ROBO1: variants seen among roughly 807,000 people sequenced by gnomAD.
ROBO1 encodes roundabout guidance receptor 1.
A neutral mutation model predicts 195.9 loss-of-function variants in ROBO1; 149 were observed. The ratio of observed to expected loss-of-function variants is 0.76; its 90% CI spans 0.67 to 0.87. ROBO1 has a LOEUF of 0.87. Among genes scored for constraint, ROBO1 ranks in the 40% least tolerant of loss-of-function variants. The probability of loss-of-function intolerance (pLI) is 0.00; values close to 1 mark genes in which losing one functional copy is unlikely to be tolerated. For missense variants in ROBO1, 1,933 were observed against 2,068.3 expected, an observed-to-expected ratio of 0.93 and a Z score of 1.27; for synonymous variants, 816 against 733.2, an observed-to-expected ratio of 1.11 and a Z score of -1.82.
intron 3 of ROBO1, among the ~76,000 whole-genome samples, chr3:79,082,375 G>C (rs936620653): frequency 1.3e-5 from 2 of 152,100 alleles, no homozygotes; most frequent in African/African-American, 4.8e-5. Context: ...ATATATGTGT[G>C]TGTGCAAAGT....
intron 2 of ROBO1, among the ~76,000 whole-genome samples, chr3:79,504,664 T>C (rs1409477444): frequency 2.0e-5 from 3 of 152,226 alleles, no homozygotes; most frequent in Non-Finnish European, 4.4e-5. Flanking sequence ...CTAATACTTA[T>C]CTCTTAATTA....
chr3:78,974,840 T>G (rs2076850798), intron 3 of ROBO1, among the ~76,000 whole-genome samples: 1 of 152,178 alleles, frequency 6.6e-6, no homozygotes, highest in Non-Finnish European at 1.5e-5. Context: ...AAGCAAATAT[T>G]GTACCCCAAA....
intron 2 of ROBO1, among the ~76,000 whole-genome samples, chr3:79,474,233 C>T (rs922832697): frequency 2.0e-5 from 3 of 152,052 alleles, no homozygotes; most frequent in African/African-American, 4.8e-5. Flanking sequence ...GTTAGTGAGT[C>T]GCTCATGTGC....
chr3:79,412,477 C>T (rs1452339236), intron 2 of ROBO1, among the ~76,000 whole-genome samples: 1 of 152,082 alleles, frequency 6.6e-6, no homozygotes, highest in Non-Finnish European at 1.5e-5. Context: ...TTAATTTTGG[C>T]ACTGCAAACA....
At chr3:78,874,015 G>T (rs1275191583) in intron 4 of ROBO1, among the ~76,000 whole-genome samples, 1 of 151,502 alleles carries the variant, frequency 6.6e-6, no homozygotes, top group Non-Finnish European at 1.5e-5. Flanking sequence ...TTTAAAGAGA[G>T]GATTTTTTTT....
intron 2 of ROBO1, among the ~76,000 whole-genome samples, chr3:79,168,108 G>A (rs969184344): frequency 7.2e-5 from 11 of 152,280 alleles, no homozygotes; most frequent in East Asian, 5.8e-4. Context: ...AGCCAGGAAC[G>A]GAAAGAAACT....
intron 2 of ROBO1, among the ~76,000 whole-genome samples, chr3:79,241,747 A>G (rs2082522680): frequency 6.6e-6 from 1 of 150,430 alleles, no homozygotes; most frequent in Non-Finnish European, 1.5e-5. Context: ...AAATATAAAA[A>G]TAAACAATAT....
chr3:79,023,860 C>T (rs143691254), intron 3 of ROBO1, among the ~76,000 whole-genome samples: 3,375 of 151,300 alleles, frequency 0.022, 42 homozygotes, highest in Non-Finnish European at 0.036. Flanking sequence ...CTGGCCACCA[C>T]ACCCGGCTAT....
chr3:78,877,784 T>TGGA (rs1339309972), intron 4 of ROBO1, among the ~76,000 whole-genome samples: 8 of 152,158 alleles, frequency 5.3e-5, no homozygotes, highest in African/African-American at 1.9e-4. Flanking sequence ...AACATATTCA[T>TGGA]GGAGGAGCCT....
chr3:79,081,688 C>T (rs1428993170), intron 3 of ROBO1, among the ~76,000 whole-genome samples: 1 of 152,084 alleles, frequency 6.6e-6, no homozygotes, highest in African/African-American at 2.4e-5. Context: ...ACAATAGAGA[C>T]CTTTAGCTGT....
intron 3 of ROBO1, among the ~76,000 whole-genome samples, chr3:78,941,014 C>T (rs540231985): frequency 6.6e-6 from 1 of 152,102 alleles, no homozygotes; most frequent in Non-Finnish European, 1.5e-5. Context: ...ATACATTCAA[C>T]CTTTAATAGA....
Position 79,646,611 on chromosome 3 carries a change from T to G in ROBO1, c.-50-56650A>C, listed in dbSNP as rs189764220. The stretch of plus-strand genomic sequence containing the variant: ...CATTGCAGAGACATCTGCACTCCCA[T>G]GCTTATGGCAGCATTATTCATAATA... On this transcript the variant is annotated intron_variant, in intron 1 of 30. Coordinates refer to ENST00000464233, the MANE Select transcript of ROBO1 (RefSeq NM_002941.4). Among the ~76,000 whole-genome samples the G allele has an allele frequency of 5.9e-3, 896 of 152,262 alleles. 3 individuals are homozygous for G. The highest frequency in any genetic ancestry group is 0.01 in the Non-Finnish European group (711 of 68,004).
At chr3:78,947,000 C>G (rs1398336959) in intron 3 of ROBO1, among the ~76,000 whole-genome samples, 1 of 152,168 alleles carries the variant, frequency 6.6e-6, no homozygotes, top group Non-Finnish European at 1.5e-5. Flanking sequence ...GCACCCAATA[C>G]AGGAGCACCC....
intron 1 of ROBO1, among the ~76,000 whole-genome samples, chr3:79,628,492 G>A (rs528356932): frequency 6.6e-6 from 1 of 152,234 alleles, no homozygotes; most frequent in South Asian, 2.1e-4. Context: ...GGGGGATGAG[G>A]GCTGAGGGAA....
At chr3:79,592,835 A>G (rs184879583) in intron 1 of ROBO1, among the ~76,000 whole-genome samples, 123 of 152,144 alleles carry the variant, frequency 8.1e-4, no homozygotes, top group African/African-American at 2.9e-3. Context: ...CATATCAAAC[A>G]TCATAGTATC....
At chr3:79,744,326 T>A (rs781598911) in intron 1 of ROBO1, among the ~76,000 whole-genome samples, 4 of 152,304 alleles carry the variant, frequency 2.6e-5, no homozygotes, top group Non-Finnish European at 5.9e-5. Flanking sequence ...GGAGTTAGTG[T>A]CTGCGTGAGG....
At chr3:79,408,582 T>C (rs1434341508) in intron 2 of ROBO1, among the ~76,000 whole-genome samples, 1 of 152,034 alleles carries the variant, frequency 6.6e-6, no homozygotes, top group Non-Finnish European at 1.5e-5. Flanking sequence ...AGTGATATGG[T>C]GTGCAGTTCT....
intron 2 of ROBO1, among the ~76,000 whole-genome samples, chr3:79,241,033 AAG>A (rs2082506072): frequency 1.3e-5 from 2 of 152,150 alleles, no homozygotes; most frequent in Admixed American, 1.3e-4. Flanking sequence ...TGACAAATGA[AAG>A]AAATATTTTT....
intron 2 of ROBO1, among the ~76,000 whole-genome samples, chr3:79,455,579 A>C (rs2039592459): frequency 6.6e-6 from 1 of 152,064 alleles, no homozygotes; most frequent in Non-Finnish European, 1.5e-5. Flanking sequence ...TAATTACCTC[A>C]GTTGTAGTGC....
Sources: allele counts gnomAD v4.1 joint callset (sites outside exome capture counted in the v4.1 genomes callset), GRCh38; gene constraint gnomAD v4.1.1; transcripts MANE v1.5; gene names NCBI Gene and HGNC (gene_info 2026-07-23, HGNC 2026-07-21).